The following PKD1L1 variants were observed in gnomAD, a reference collection of about 807,000 sequenced individuals.
PKD1L1 encodes polycystin 1 like 1, transient receptor potential channel interacting, also known as polycystin-1-like protein 1.
In PKD1L1, 236 loss-of-function variants were observed where a neutral mutation model predicts 323.4. That is an observed-to-expected ratio of 0.73 (90% CI 0.66 to 0.81). The LOEUF is 0.81. Ranked by LOEUF, PKD1L1 falls within the 40% of genes least tolerant of loss-of-function variation. The pLI, the probability that PKD1L1 is intolerant of heterozygous loss-of-function variation, is 0.00. For synonymous variants in PKD1L1, 1,344 were observed against 1,335.0 expected, an observed-to-expected ratio of 1.01 and a Z score of -0.15; for missense variants, 3,320 against 3,508.0, an observed-to-expected ratio of 0.95 and a Z score of 1.35.
chr7:47,792,799 T>C lies in PKD1L1; in HGVS notation c.8356-2A>G. On this transcript the variant is annotated splice_acceptor_variant, in intron 55 of 56. Coordinates refer to ENST00000289672, the MANE Select transcript of PKD1L1 (RefSeq NM_138295.5). LOFTEE classifies it high-confidence loss of function. ...TGCAAATTCATCCAAGTAGTAATTC[T>C]GAAGGGAAGAAAATTAGATTAGTAA... The C allele has an allele frequency of 6.2e-7, 1 of 1,610,512 alleles. No homozygotes were observed. Among genetic ancestry groups the C allele is most frequent in the Admixed American group, 1.7e-5 (1 of 59,858 alleles).
intron 34 of PKD1L1, among the ~76,000 whole-genome samples, chr7:47,841,679 T>C (rs1032474026): frequency 6.6e-6 from 1 of 152,212 alleles, no homozygotes; most frequent in Non-Finnish European, 1.5e-5. Flanking sequence ...TTCTCATCCA[T>C]GAACATAGCT....
chr7:47,911,691 CA>C (rs1193572291), intron 8 of PKD1L1, among the ~76,000 whole-genome samples: 1 of 152,014 alleles, frequency 6.6e-6, no homozygotes, highest in East Asian at 1.9e-4. Context: ...GTTCAGAATA[CA>C]AAATAGACGC....
At position 47,840,343 on chromosome 7, in the gene PKD1L1, G is replaced by A; in HGVS notation, c.5552+118C>T. The A allele has an allele frequency of 6.3e-6, 4 of 639,588 alleles. No individual in the cohort carries two copies. The highest frequency in any genetic ancestry group is 2.6e-4 in the Middle Eastern group (1 of 3,888). The allele number at this position is 639,588 out of a possible 1,614,324, so 39.6% of individuals were successfully genotyped here. On this transcript the variant is annotated intron_variant, in intron 35 of 56. Transcript: ENST00000289672. The surrounding 1 kb of genome is among the most constrained non-coding windows in gnomAD (Gnocchi z 4.1). ...TCATAAAATTGTTTGTATATAAATC[G>A]ATGCTCACTATTAGAGACCAATGTT...
At chr7:47,890,297 C>T (rs1786782009) in intron 16 of PKD1L1, among the ~76,000 whole-genome samples, 1 of 152,206 alleles carries the variant, frequency 6.6e-6, no homozygotes, top group Admixed American at 6.5e-5. Flanking sequence ...ACTTGGAACC[C>T]CCGGCTGTGC....
intron 26 of PKD1L1, among the ~76,000 whole-genome samples, chr7:47,861,675 G>C (rs1786026979): frequency 6.6e-6 from 1 of 151,982 alleles, no homozygotes; most frequent in African/African-American, 2.4e-5. Context: ...AAGGTCAGGA[G>C]ATCGAGACCA....
intron 12 of PKD1L1, among the ~76,000 whole-genome samples, chr7:47,903,178 A>T (rs76587795): frequency 7.2e-5 from 11 of 152,314 alleles, no homozygotes; most frequent in Non-Finnish European, 1.6e-4. Context: ...AAGACTTCTG[A>T]ATTTGAAAGA....
chr7:47,799,528 G>A (rs1784615311), intron 54 of PKD1L1, among the ~76,000 whole-genome samples: 1 of 152,206 alleles, frequency 6.6e-6, no homozygotes, highest in South Asian at 2.1e-4. Flanking sequence ...CAATATGCCT[G>A]CTAGGAATGT....
chr7:47,912,349 TC>T (rs994610656), intron 8 of PKD1L1, among the ~76,000 whole-genome samples: 32 of 152,170 alleles, frequency 2.1e-4, no homozygotes, highest in African/African-American at 7.5e-4. Flanking sequence ...TATGCCAGTC[TC>T]CCAAAAAGAA....
At chr7:47,788,285 TTATTTTTATTTTATTCATA>T (rs1786856954) in intron 56 of PKD1L1, among the ~76,000 whole-genome samples, 1 of 150,570 alleles carries the variant, frequency 6.6e-6, no homozygotes, top group African/African-American at 2.4e-5. Context: ...ATTATTTCAT[TTATTTTTATTTTATTCATA>T]TATTTTTATT....
At chr7:47,856,492 G>A (rs1011056122) in intron 28 of PKD1L1, among the ~76,000 whole-genome samples, 6 of 152,028 alleles carry the variant, frequency 3.9e-5, no homozygotes, top group South Asian at 2.1e-4. Context: ...AAATAAATAC[G>A]ACAAGACATC....
chr7:47,855,199 GC>G lies in PKD1L1; in HGVS notation c.4656del (p.Trp1552CysfsTer2). ...AACTCGACCATCACGGGTTTCCTTA[GC>G]CATTGCCTGTTGATGGGTCTTCTGC... ...CSSRRPINRQ[W>X]LRKPVMVEFG... On this transcript the variant is annotated frameshift_variant, in exon 29 of 57. Coordinates refer to ENST00000289672, the MANE Select transcript of PKD1L1 (RefSeq NM_138295.5). LOFTEE classifies it high-confidence loss of function. 1 of 1,614,174 alleles carries G rather than the reference GC, an allele frequency of 6.2e-7. No homozygotes were observed. Among genetic ancestry groups the G allele is most frequent in the Non-Finnish European group, 8.5e-7 (1 of 1,180,026 alleles).
At chr7:47,944,178 T>G (rs1003693762) in intron 1 of PKD1L1, among the ~76,000 whole-genome samples, 1 of 152,158 alleles carries the variant, frequency 6.6e-6, no homozygotes, top group Non-Finnish European at 1.5e-5. Context: ...TGGGAGGTGT[T>G]TGGATCACGG....
chr7:47,880,022 A>C (rs1344755375), intron 21 of PKD1L1, among the ~76,000 whole-genome samples: 1 of 151,504 alleles, frequency 6.6e-6, no homozygotes, highest in Non-Finnish European at 1.5e-5. Context: ...AATGTCTAGA[A>C]GTTCTGCAAA....
intron 26 of PKD1L1, 101 bp from the exon 27 acceptor site, chr7:47,858,986 T>A: frequency 4.2e-6 from 6 of 1,444,870 alleles, no homozygotes; most frequent in Non-Finnish European, 5.7e-6. Flanking sequence ...CTTAGCTGCA[T>A]GAACAGAAAA....
chr7:47,932,112 A>G (rs2128756026), intron 4 of PKD1L1, 56 bp from the exon 5 acceptor site: 1 of 1,559,680 alleles, frequency 6.4e-7, no homozygotes, highest in South Asian at 1.2e-5. Flanking sequence ...TTTCAGTCAC[A>G]TATCTGGCTT....
intron 24 of PKD1L1, among the ~76,000 whole-genome samples, chr7:47,871,240 A>G (rs1583635560): frequency 7.3e-6 from 1 of 137,342 alleles, no homozygotes; most frequent in Non-Finnish European, 1.6e-5. Flanking sequence ...TCAATTTTAT[A>G]TAACTTGTAT....
At chr7:47,929,576 G>C (rs375477046) in intron 6 of PKD1L1, 50 bp from the exon 7 acceptor site, 2 of 1,513,326 alleles carry the variant, frequency 1.3e-6, no homozygotes, top group African/African-American at 1.4e-5. Context: ...GGACCACTGG[G>C]GTGGGAGGGC....
At chr7:47,805,778 T>C (rs1476105027) in intron 52 of PKD1L1, among the ~76,000 whole-genome samples, 7 of 152,216 alleles carry the variant, frequency 4.6e-5, no homozygotes, top group African/African-American at 2.4e-5. Context: ...GCAGCTCCTA[T>C]ATCAATGTGA....
intron 45 of PKD1L1, among the ~76,000 whole-genome samples, chr7:47,823,792 C>T (rs1234472170): frequency 6.6e-6 from 1 of 152,130 alleles, no homozygotes; most frequent in African/African-American, 2.4e-5. Context: ...GAGAAATATC[C>T]CCCCTCCTGT....
Sources: gnomAD v4.1 joint callset for allele counts (sites outside exome capture counted in the v4.1 genomes callset) on GRCh38, gnomAD v4.1.1 for gene constraint, Gnocchi (gnomAD v3.1) non-coding constraint, MANE v1.5 for transcripts, NCBI Gene and HGNC (gene_info 2026-07-23, HGNC 2026-07-21) for gene names.